The following EVC variants were observed in gnomAD, a reference collection of about 807,000 sequenced individuals.
The protein encoded by EVC is evC complex member EVC.
EVC carries 116 observed loss-of-function variants against 118.9 expected under a neutral mutation model. That is an observed-to-expected ratio of 0.98 (90% CI 0.84 to 1.14). The LOEUF (loss-of-function observed/expected upper bound fraction) is 1.14, where lower values mean the gene tolerates loss of function less well. Among genes scored for constraint, EVC ranks in the 50% most tolerant of loss-of-function variants. EVC has a pLI of 0.00. For synonymous variants in EVC, 619 were observed against 534.7 expected, an observed-to-expected ratio of 1.16 and a Z score of -2.18; for missense variants, 1,401 against 1,246.4, an observed-to-expected ratio of 1.12 and a Z score of -1.87.
intron 2 of EVC, 135 bp from the exon 3 acceptor site, chr4:5,729,172 G>T (rs906768883): frequency 5.1e-6 from 4 of 783,830 alleles, no homozygotes; most frequent in Non-Finnish European, 9.1e-6. Flanking sequence ...GAGCTAATAT[G>T]AATCTAAATG....
intron 1 of EVC, among the ~76,000 whole-genome samples, chr4:5,712,030 G>A (rs1723119604): frequency 6.6e-6 from 1 of 152,184 alleles, no homozygotes; most frequent in African/African-American, 2.4e-5. Flanking sequence ...AAAGTTTTCA[G>A]GCACCTTCTA....
In EVC at chr4:5,745,760, G is replaced by C. The variant is rs555340152; in HGVS notation, c.939+419G>C. 1.7e-3 allele frequency among the ~76,000 whole-genome samples: 260 copies of C among 152,276 alleles called. 1 individual carries two copies. The highest frequency in any genetic ancestry group is 7.8e-3 in the Admixed American group (119 of 15,294). ...TTTCTTTTGGGTTCCACCACCCCCTGTTCATATATTATGTATTAAACAAAC... is the reference window on the plus strand; with the variant it reads ...TTTCTTTTGGGTTCCACCACCCCCTCTTCATATATTATGTATTAAACAAAC... On this transcript the variant is annotated intron_variant, in intron 7 of 20. Transcript: ENST00000264956.
rs112321370 is a variant in EVC at position 5,757,604 on chromosome 4, C to G, written c.1563+1242C>G. Among the ~76,000 whole-genome samples, 1,118 of 152,342 alleles carry G rather than the reference C, an allele frequency of 7.3e-3. 7 individuals carry two copies. The highest frequency in any genetic ancestry group is 0.011 in the Non-Finnish European group (759 of 68,042). On this transcript the variant is annotated intron_variant, in intron 11 of 20. Coordinates refer to ENST00000264956, the MANE Select transcript of EVC (RefSeq NM_153717.3). ...CCGGGCTTGCAGACAGCTGCCTTCC[C>G]GTTGCCTCCTCACACGGTTATTTCT... is the stretch of plus-strand genomic sequence containing the variant.
At position 5,745,290 on chromosome 4, in the gene EVC, G is replaced by T. The variant is rs998975965; in HGVS notation, c.888G>T (p.Leu296=). The T allele has an allele frequency of 1.9e-6, 3 of 1,613,852 alleles. No homozygotes were observed. The highest frequency in any genetic ancestry group is 2.7e-5 in the African/African-American group (2 of 74,858). Reference sequence around the variant, plus strand: ...CTGGTGACTCTGAGTACATCACCCTGGCTGATGTGGAAAAGAAGGAGAGAG... The same window carrying T: ...CTGGTGACTCTGAGTACATCACCCTTGCTGATGTGGAAAAGAAGGAGAGAG... ...SGAGDSEYIT[L]ADVEKKEREY... Residue 296 remains leucine, a synonymous_variant, in exon 7 of 21, where the codon CTG becomes CTT. Coordinates refer to ENST00000264956, the MANE Select transcript of EVC (RefSeq NM_153717.3).
At chr4:5,713,478 G>C (rs1723384353) in intron 1 of EVC, among the ~76,000 whole-genome samples, 1 of 152,084 alleles carries the variant, frequency 6.6e-6, no homozygotes, top group Non-Finnish European at 1.5e-5. Flanking sequence ...AGGAGTTCGA[G>C]ACCAGCCTGG....
At chr4:5,794,993 TTC>T (rs1713675988) in intron 13 of EVC, among the ~76,000 whole-genome samples, 1 of 152,220 alleles carries the variant, frequency 6.6e-6, no homozygotes, top group Non-Finnish European at 1.5e-5. Context: ...GTATTTGGTT[TTC>T]TGTGTCTACA....
intron 11 of EVC, among the ~76,000 whole-genome samples, chr4:5,779,394 T>G (rs1381737243): frequency 5.3e-5 from 8 of 149,900 alleles, no homozygotes; most frequent in Non-Finnish European, 9.0e-5. Flanking sequence ...ATTGGTAGCT[T>G]GATGGGGATG....
At chr4:5,784,318 G>A (rs963596796) in intron 12 of EVC, among the ~76,000 whole-genome samples, 3 of 152,148 alleles carry the variant, frequency 2.0e-5, no homozygotes, top group African/African-American at 7.2e-5. Flanking sequence ...AGGCAGAAGG[G>A]TGGGAGTCAG....
chr4:5,759,997 A>G (rs11727383), intron 11 of EVC, among the ~76,000 whole-genome samples: 97,542 of 151,884 alleles, frequency 0.64, 31,723 homozygotes, highest in South Asian at 0.78. Context: ...TCCAAGCGGG[A>G]AGTGGGCTTC....
At chr4:5,792,764 T>C (rs909791102) in intron 12 of EVC, among the ~76,000 whole-genome samples, 1 of 152,150 alleles carries the variant, frequency 6.6e-6, no homozygotes, top group Admixed American at 6.5e-5. Flanking sequence ...AACCAGTAGA[T>C]TTCCTCCATA....
downstream of EVC, among the ~76,000 whole-genome samples, chr4:5,814,659 C>G (rs1717403056): frequency 6.6e-6 from 1 of 152,164 alleles, no homozygotes; most frequent in South Asian, 2.1e-4. Flanking sequence ...TTCCCCTTCA[C>G]TCTGCACCTG....
chr4:5,826,137 C>G, the EVC span: 1 of 165,728 alleles, frequency 6.0e-6, no homozygotes, highest in Non-Finnish European at 1.3e-5. Context: ...CACACGCATA[C>G]TCATACACAC....
Position 5,748,435 on chromosome 4 carries a change from AAACC to A in EVC, c.1098+133_1098+136del, listed in dbSNP as rs1212907353. The stretch of plus-strand genomic sequence containing the variant: ...GTTATATAGAGCCTCAGGGAAAAAA[AAACC>A]AACAACAACAGTAAATTCATTCATC... On this transcript the variant is annotated intron_variant, in intron 8 of 20. Transcript: ENST00000264956. The A allele has an allele frequency of 5.3e-6, 5 of 934,590 alleles. No homozygotes were observed. The African/African-American group carries it at 8.3e-5, about 16-fold the overall frequency. 57.9% of individuals were successfully genotyped at this position (934,590 alleles called of 1,614,324 possible). A position where few individuals can be genotyped will look rare whatever the true frequency, so the allele number is the denominator to read the frequency against.
downstream of EVC, among the ~76,000 whole-genome samples, chr4:5,816,534 A>G (rs1374375444): frequency 6.6e-6 from 1 of 151,868 alleles, no homozygotes; most frequent in Non-Finnish European, 1.5e-5. Flanking sequence ...GCAGCACCAG[A>G]GTCTTGCCTC....
chr4:5,810,849 T>C, intron 20 of EVC, 104 bp from the exon 21 acceptor site: 2 of 1,126,646 alleles, frequency 1.8e-6, no homozygotes, highest in Non-Finnish European at 2.6e-6. Flanking sequence ...ATTGTTTTGA[T>C]CACCTTTGGC....
At chr4:5,827,439 G>A in the EVC span, among the ~76,000 whole-genome samples, 417 of 152,282 alleles carry the variant, frequency 2.7e-3, 2 homozygotes, top group African/African-American at 9.2e-3. Flanking sequence ...TATGGAAGCT[G>A]GGGAGAGACC....
intron 2 of EVC, among the ~76,000 whole-genome samples, chr4:5,728,185 C>G (rs374679053): frequency 8.5e-5 from 13 of 152,158 alleles, no homozygotes; most frequent in African/African-American, 2.9e-4. Context: ...TTTCACGATA[C>G]TGATTCTTGC....
At chr4:5,790,603 A>G (rs1712599439) in intron 12 of EVC, among the ~76,000 whole-genome samples, 2 of 152,138 alleles carry the variant, frequency 1.3e-5, no homozygotes, top group South Asian at 2.1e-4. Flanking sequence ...GGATTTAGAA[A>G]ATATTGGAGC....
At chr4:5,740,664 G>A (rs992901977) in intron 5 of EVC, among the ~76,000 whole-genome samples, 1 of 152,078 alleles carries the variant, frequency 6.6e-6, no homozygotes, top group Admixed American at 6.6e-5. Context: ...GCTACAGAGT[G>A]AGAGAAAATG....
Sources: allele counts gnomAD v4.1 joint callset (sites outside exome capture counted in the v4.1 genomes callset), GRCh38; gene constraint gnomAD v4.1.1; transcripts MANE v1.5; gene names NCBI Gene and HGNC (gene_info 2026-07-23, HGNC 2026-07-21).